CNTN6: variants seen among roughly 807,000 people sequenced by gnomAD.
CNTN6 encodes contactin-6.
Under a neutral mutation model 122.8 loss-of-function variants are expected in CNTN6, and 137 were observed. That is an observed-to-expected ratio of 1.12 (90% confidence interval 0.97 to 1.29). The LOEUF (loss-of-function observed/expected upper bound fraction) is 1.29, where lower values mean the gene tolerates loss of function less well. Among genes scored for constraint, CNTN6 ranks in the 50% most tolerant of loss-of-function variants. The pLI is 0.00. For synonymous variants in CNTN6, 570 were observed against 426.0 expected, an observed-to-expected ratio of 1.34 and a Z score of -4.16; for missense variants, 1,634 against 1,223.4, an observed-to-expected ratio of 1.34 and a Z score of -5.01.
At chr3:1,297,841 A>G in intron 6 of CNTN6, 48 bp from the exon 7 acceptor site, 2 of 1,446,008 alleles carry the variant, frequency 1.4e-6, no homozygotes, top group Non-Finnish European at 1.9e-6. Context: ...ACTTCATAGA[A>G]AACTTCTATT....
chr3:1,154,995 A>G (rs1461146754), intron 2 of CNTN6, among the ~76,000 whole-genome samples: 1 of 152,092 alleles, frequency 6.6e-6, no homozygotes, highest in East Asian at 1.9e-4. Context: ...CACTCTTCAC[A>G]TCTTTCTATG....
At chr3:1,345,142 G>T in intron 11 of CNTN6, among the ~76,000 whole-genome samples, 1 of 150,286 alleles carries the variant, frequency 6.7e-6, no homozygotes. Flanking sequence ...TTTGAGACAG[G>T]GTCTCACTTA....
chr3:1,393,857 CTTA>C (rs973907064), intron 20 of CNTN6, among the ~76,000 whole-genome samples: 4 of 152,076 alleles, frequency 2.6e-5, no homozygotes, highest in Non-Finnish European at 4.4e-5. Flanking sequence ...TTTTAAAATT[CTTA>C]TTGAGATTTT....
At chr3:1,319,833 G>GAAAATAAAAT (rs61076777) in intron 7 of CNTN6, among the ~76,000 whole-genome samples, 34,897 of 135,792 alleles carry the variant, frequency 0.26, 4,972 homozygotes, top group East Asian at 0.49. Flanking sequence ...ACAGAGAGCA[G>GAAAATAAAAT]AAAATAAAAT....
chr3:1,383,454 C>A, intron 19 of CNTN6, 46 bp downstream of exon 19: 2 of 1,398,640 alleles, frequency 1.4e-6, no homozygotes, highest in Non-Finnish European at 1.0e-6. Context: ...TGCCAATGGA[C>A]TTCGCAATAG....
At chr3:1,236,056 GCAAGCCCCACC>G (rs1213156111) in intron 4 of CNTN6, among the ~76,000 whole-genome samples, 4 of 152,036 alleles carry the variant, frequency 2.6e-5, no homozygotes, top group Non-Finnish European at 5.9e-5. Context: ...AGCAGCTGCA[GCAAGCCCCACC>G]CAAGGAGAGG....
intron 1 of CNTN6, among the ~76,000 whole-genome samples, chr3:1,130,586 A>G (rs1240331672): frequency 6.6e-6 from 1 of 152,122 alleles, no homozygotes; most frequent in African/African-American, 2.4e-5. Context: ...GACACTGGCA[A>G]ATGGCTTGAT....
chr3:1,286,419 C>G (rs1487579832), intron 5 of CNTN6, among the ~76,000 whole-genome samples: 1 of 152,106 alleles, frequency 6.6e-6, no homozygotes, highest in Non-Finnish European at 1.5e-5. Flanking sequence ...CATTGTTCAA[C>G]TCTCACTTAT....
chr3:1,148,737 G>T (rs1349855528), intron 2 of CNTN6, among the ~76,000 whole-genome samples: 1 of 152,108 alleles, frequency 6.6e-6, no homozygotes, highest in African/African-American at 2.4e-5. Flanking sequence ...AAATCTGTGG[G>T]TTAACAACTT....
Position 1,268,962 on chromosome 3 carries a change from G to C in CNTN6, c.359-9451G>C, listed in dbSNP as rs1238354416. Among the ~76,000 whole-genome samples the C allele has an allele frequency of 2.6e-5, 4 of 152,112 alleles. No individual in the cohort carries two copies. The East Asian group carries it at 5.8e-4, about 22-fold the overall frequency. On this transcript the variant is annotated intron_variant, in intron 4 of 22. Transcript: ENST00000446702. ...AGCCACTGCACTCCAGCCGAGGCAA[G>C]AGAGTGAGACCCTGTCTCAAAAGTT...
chr3:1,218,041 T>C (rs1284980048), intron 2 of CNTN6, among the ~76,000 whole-genome samples: 1 of 152,036 alleles, frequency 6.6e-6, no homozygotes, highest in Non-Finnish European at 1.5e-5. Flanking sequence ...CATGTGCATG[T>C]GGAAGAGGAG....
At chr3:1,324,631 T>A (rs1701285636) in intron 8 of CNTN6, among the ~76,000 whole-genome samples, 1 of 149,692 alleles carries the variant, frequency 6.7e-6, no homozygotes, top group African/African-American at 2.5e-5. Context: ...TAAAGACTGC[T>A]TAGAAGTTGA....
intron 10 of CNTN6, among the ~76,000 whole-genome samples, chr3:1,327,813 G>A (rs561322838): frequency 1.5e-4 from 23 of 151,874 alleles, no homozygotes; most frequent in South Asian, 4.2e-4. Context: ...CATCCAAACC[G>A]GAGGAAGCTC....
rs185005627 is a variant in CNTN6 at position 1,320,881 on chromosome 3, A to G, written c.762-769A>G. On this transcript the variant is annotated intron_variant, in intron 7 of 22. Coordinates refer to ENST00000446702, the MANE Select transcript of CNTN6 (RefSeq NM_001289080.2). ...ATTTTTGCTCCTTTGAAAGATACCC[A>G]TATTAGACTAAAAATAATAGATATG... is the stretch of plus-strand genomic sequence containing the variant. Among the ~76,000 whole-genome samples the G allele has an allele frequency of 1.9e-3, 295 of 151,820 alleles. 1 individual carries two copies. Among genetic ancestry groups the G allele is most frequent in the Middle Eastern group, 3.4e-3 (1 of 294 alleles).
intron 2 of CNTN6, among the ~76,000 whole-genome samples, chr3:1,180,433 T>C (rs946980510): frequency 6.6e-6 from 1 of 152,220 alleles, no homozygotes; most frequent in African/African-American, 2.4e-5. Flanking sequence ...CCCACCAAAA[T>C]AGATGAATCA....
intron 7 of CNTN6, among the ~76,000 whole-genome samples, chr3:1,305,745 C>T (rs1003257656): frequency 2.0e-5 from 3 of 152,078 alleles, no homozygotes; most frequent in African/African-American, 2.4e-5. Context: ...CAGCACTGAA[C>T]GTTCCTGTGT....
At chr3:1,212,669 A>C (rs976412440) in intron 2 of CNTN6, among the ~76,000 whole-genome samples, 1 of 151,844 alleles carries the variant, frequency 6.6e-6, no homozygotes, top group African/African-American at 2.4e-5. Context: ...TTAAAGCACA[A>C]GTATTTGAAA....
chr3:1,261,045 G>GA (rs922099939), intron 4 of CNTN6, among the ~76,000 whole-genome samples: 23 of 151,532 alleles, frequency 1.5e-4, no homozygotes, highest in African/African-American at 5.1e-4. Context: ...GTGCGATGGG[G>GA]AAAAAAAAAT....
At chr3:1,150,689 A>G (rs1032723137) in intron 2 of CNTN6, among the ~76,000 whole-genome samples, 3 of 152,220 alleles carry the variant, frequency 2.0e-5, no homozygotes, top group African/African-American at 4.8e-5. Flanking sequence ...TTTCATTGAT[A>G]TGCATGACAG....
Sources: allele counts gnomAD v4.1 joint callset (sites outside exome capture counted in the v4.1 genomes callset), GRCh38; gene constraint gnomAD v4.1.1; transcripts MANE v1.5; gene names NCBI Gene and HGNC (gene_info 2026-07-23, HGNC 2026-07-21).